The following OR1J2 variants were observed in gnomAD, a reference collection of about 807,000 sequenced individuals.
OR1J2 encodes the protein olfactory receptor 1J2.
For missense variants in OR1J2, 304 were observed against 246.1 expected, an observed-to-expected ratio of 1.24 and a Z score of -1.57; for synonymous variants, 142 against 99.7, an observed-to-expected ratio of 1.42 and a Z score of -2.52.
the OR1J2 span, among the ~76,000 whole-genome samples, chr9:122,523,257 C>T: frequency 6.6e-6 from 1 of 152,040 alleles, no homozygotes; most frequent in African/African-American, 2.4e-5. Flanking sequence ...AATGATGTTG[C>T]TATACATAGG....
At chr9:122,475,994 G>A in the OR1J2 span, among the ~76,000 whole-genome samples, 1 of 152,128 alleles carries the variant, frequency 6.6e-6, no homozygotes, top group Non-Finnish European at 1.5e-5. Context: ...TATGATCTTG[G>A]GGTATTCTTC....
chr9:122,565,305 C>T, the OR1J2 span, among the ~76,000 whole-genome samples: 2 of 152,294 alleles, frequency 1.3e-5, no homozygotes, highest in African/African-American at 4.8e-5. Flanking sequence ...ATCTGTGTCC[C>T]ATGTAAATAC....
chr9:122,453,674 AC>A, the OR1J2 span, among the ~76,000 whole-genome samples: 1 of 152,304 alleles, frequency 6.6e-6, no homozygotes, highest in Admixed American at 6.5e-5. Flanking sequence ...GTATGTGACA[AC>A]CAGGTCATGT....
chr9:122,555,283 A>T, the OR1J2 span, among the ~76,000 whole-genome samples: 1 of 152,318 alleles, frequency 6.6e-6, no homozygotes, highest in South Asian at 2.1e-4. Context: ...TCTTCCTTTA[A>T]GGAAGATCAG....
the OR1J2 span, among the ~76,000 whole-genome samples, chr9:122,486,927 C>T: frequency 6.6e-6 from 1 of 151,956 alleles, no homozygotes; most frequent in Non-Finnish European, 1.5e-5. Context: ...AGATGTATTG[C>T]TTCAGTCTTT....
chr9:122,458,498 G>A, the OR1J2 span, among the ~76,000 whole-genome samples: 1 of 152,218 alleles, frequency 6.6e-6, no homozygotes, highest in African/African-American at 2.4e-5. Context: ...CACATAGCTG[G>A]GGAGGCTTCA....
chr9:122,495,025 A>G, the OR1J2 span, among the ~76,000 whole-genome samples: 4 of 152,226 alleles, frequency 2.6e-5, no homozygotes, highest in Admixed American at 2.6e-4. Flanking sequence ...AATCCCTTCT[A>G]GTTTGTAGGG....
At chr9:122,578,620 C>T in the OR1J2 span, among the ~76,000 whole-genome samples, 1 of 151,918 alleles carries the variant, frequency 6.6e-6, no homozygotes, top group African/African-American at 2.4e-5. Context: ...TACTATTTGG[C>T]CATAAAAAGG....
the OR1J2 span, among the ~76,000 whole-genome samples, chr9:122,487,355 T>G: frequency 2.6e-5 from 4 of 151,992 alleles, no homozygotes; most frequent in Admixed American, 6.6e-5. Flanking sequence ...CACCAGAGAA[T>G]AATAATAATG....
chr9:122,563,396 A>G, the OR1J2 span, among the ~76,000 whole-genome samples: 21 of 152,198 alleles, frequency 1.4e-4, no homozygotes, highest in Non-Finnish European at 2.6e-4. Flanking sequence ...TGTTGACCAT[A>G]TAGATGTCTT....
At chr9:122,465,840 TC>T in the OR1J2 span, among the ~76,000 whole-genome samples, 1 of 152,152 alleles carries the variant, frequency 6.6e-6, no homozygotes, top group African/African-American at 2.4e-5. Context: ...GAATTACCTT[TC>T]CCTCTGGATT....
chr9:122,568,318 G>C, the OR1J2 span: 1 of 1,614,130 alleles, frequency 6.2e-7, no homozygotes, highest in Non-Finnish European at 8.5e-7. Flanking sequence ...TGAAGATGGG[G>C]GTTGAAGCGA....
chr9:122,536,969 G>A, the OR1J2 span, among the ~76,000 whole-genome samples: 1 of 152,088 alleles, frequency 6.6e-6, no homozygotes, highest in Non-Finnish European at 1.5e-5. Flanking sequence ...TAATCTCATA[G>A]TATAGTTTGA....
At chr9:122,462,750 C>G in the OR1J2 span, among the ~76,000 whole-genome samples, 1 of 152,126 alleles carries the variant, frequency 6.6e-6, no homozygotes, top group African/African-American at 2.4e-5. Flanking sequence ...AAATAGGACC[C>G]CAAACTCTTC....
At chr9:122,488,111 A>G in the OR1J2 span, among the ~76,000 whole-genome samples, 348 of 152,080 alleles carry the variant, frequency 2.3e-3, no homozygotes, top group African/African-American at 8.0e-3. Context: ...ATTTTAAATA[A>G]TTCTTTTGGG....
At chr9:122,567,400 A>G in the OR1J2 span, 2 of 568,750 alleles carry the variant, frequency 3.5e-6, no homozygotes, top group Non-Finnish European at 6.1e-6. Flanking sequence ...TTGGGTCATC[A>G]TCAATGGATG....
the OR1J2 span, among the ~76,000 whole-genome samples, chr9:122,453,716 T>A: frequency 6.6e-6 from 1 of 152,222 alleles, no homozygotes; most frequent in African/African-American, 2.4e-5. Flanking sequence ...TCATTGTGAT[T>A]TTTTGAATGC....
the OR1J2 span, among the ~76,000 whole-genome samples, chr9:122,458,403 G>T: frequency 1.5e-4 from 23 of 152,240 alleles, no homozygotes; most frequent in Non-Finnish European, 2.5e-4. Context: ...TTTTTATGGG[G>T]TGTATTAATT....
rs1828619986 is a variant in OR1J2, at chr9:122,510,922, G to T, written c.121G>T (p.Gly41Trp). Residue 41 changes from glycine to tryptophan, a missense_variant, in exon 1 of 1, where the codon GGG (glycine) becomes TGG (tryptophan). Gly to Trp is a radical substitution (Grantham distance 184). Transcript: ENST00000335302. Reference protein sequence around the residue: ...FLGMYLTTVLGNLLIMLLIQL... With the variant: ...FLGMYLTTVLWNLLIMLLIQL... Reference sequence around the variant, plus strand: ...GGGCATGTACCTGACCACGGTGCTGGGGAACCTGCTCATCATGCTGCTCAT... The same window carrying T: ...GGGCATGTACCTGACCACGGTGCTGTGGAACCTGCTCATCATGCTGCTCAT... 1 of 1,612,316 alleles carries T rather than the reference G, an allele frequency of 6.2e-7. No homozygotes were observed.
Sources: allele counts gnomAD v4.1 joint callset (sites outside exome capture counted in the v4.1 genomes callset), GRCh38; gene constraint gnomAD v4.1.1; transcripts MANE v1.5; gene names NCBI Gene and HGNC (gene_info 2026-07-23, HGNC 2026-07-21).